The following ZNF782 variants were observed in gnomAD, a reference collection of about 807,000 sequenced individuals.
ZNF782 encodes zinc finger protein 782.
A neutral mutation model predicts 13.0 loss-of-function variants in ZNF782; 12 were observed. The observed-to-expected ratio is 0.92, with a 90% CI of 0.59 to 1.50. ZNF782 has a LOEUF of 1.50. Among genes scored for constraint, ZNF782 ranks in the 40% most tolerant of loss-of-function variants. The pLI is 0.00. For missense variants in ZNF782, 770 were observed against 822.9 expected, an observed-to-expected ratio of 0.94 and a Z score of 0.79; for synonymous variants, 284 against 283.0, an observed-to-expected ratio of 1.00 and a Z score of -0.04.
At chr9:96,861,760 T>C (rs1851704494) in intron 1 of ZNF782, among the ~76,000 whole-genome samples, 1 of 152,230 alleles carries the variant, frequency 6.6e-6, no homozygotes. Context: ...AGACAGGCAA[T>C]AGCAAATGCT....
chr9:96,819,150 C>T lies in ZNF782; in HGVS notation c.873G>A (p.Gly291=). The part of the protein sequence containing the change: ...CRITHKTLTG[G]KSFSQKSHIR... ...TGTGTGACTTTTGGCTGAAGGATTT[C>T]CCTCCTGTGAGAGTTTTGTGAGTGA... Residue 291 remains glycine, a synonymous_variant, in exon 6 of 6, where the codon GGG becomes GGA. Coordinates refer to ENST00000481138, the MANE Select transcript of ZNF782 (RefSeq NM_001001662.3). 6.2e-7 allele frequency: 1 copy of T among 1,613,494 alleles called. No homozygotes were observed. The highest frequency in any genetic ancestry group is 8.5e-7 in the Non-Finnish European group (1 of 1,179,728).
At chr9:96,901,552 G>A in the ZNF782 span, among the ~76,000 whole-genome samples, 16 of 152,052 alleles carry the variant, frequency 1.1e-4, no homozygotes, top group South Asian at 2.5e-3. Flanking sequence ...GATTACAGAC[G>A]TGAGCCGCTG....
the ZNF782 span, chr9:96,931,735 G>C: frequency 6.2e-7 from 1 of 1,611,430 alleles, no homozygotes; most frequent in Non-Finnish European, 8.5e-7. Context: ...ACCCAGTGCT[G>C]GGACCCGGCG....
chr9:96,849,447 T>G (rs1035629923), intron 3 of ZNF782, among the ~76,000 whole-genome samples: 2 of 152,214 alleles, frequency 1.3e-5, no homozygotes, highest in Non-Finnish European at 2.9e-5. Context: ...ATGGTGCTGG[T>G]AAAAGTGGCA....
At chr9:96,902,504 C>A in the ZNF782 span, among the ~76,000 whole-genome samples, 1 of 128,296 alleles carries the variant, frequency 7.8e-6, no homozygotes, top group Non-Finnish European at 1.5e-5. Flanking sequence ...ATGAGTAGAG[C>A]TTTGCTGAGC....
the ZNF782 span, among the ~76,000 whole-genome samples, chr9:96,881,827 T>C: frequency 6.6e-6 from 1 of 152,106 alleles, no homozygotes; most frequent in Non-Finnish European, 1.5e-5. Context: ...TGTAGTTTTA[T>C]ATTAATTATT....
At chr9:96,895,859 G>A in the ZNF782 span, 2 of 152,214 alleles carry the variant, frequency 1.3e-5, no homozygotes, top group Non-Finnish European at 2.9e-5. Flanking sequence ...GACCTGAAGA[G>A]TGAGGGCAAT....
chr9:96,863,792 T>C (rs1851730654), intron 1 of ZNF782, among the ~76,000 whole-genome samples: 1 of 152,146 alleles, frequency 6.6e-6, no homozygotes. Context: ...TTCTCACTTA[T>C]AGGTGGGAGC....
the ZNF782 span, among the ~76,000 whole-genome samples, chr9:96,924,893 A>G: frequency 6.6e-6 from 1 of 152,238 alleles, no homozygotes; most frequent in Non-Finnish European, 1.5e-5. Flanking sequence ...GGCGTCCCGC[A>G]GGGCCCCGCT....
the ZNF782 span, among the ~76,000 whole-genome samples, chr9:96,881,767 CATTT>C: frequency 1.3e-5 from 2 of 152,018 alleles, no homozygotes; most frequent in Non-Finnish European, 2.9e-5. Flanking sequence ...TATTCTCCTC[CATTT>C]ATTTATATGT....
chr9:96,830,379 C>T (rs1444933935), intron 4 of ZNF782, among the ~76,000 whole-genome samples: 2 of 152,036 alleles, frequency 1.3e-5, no homozygotes, highest in Non-Finnish European at 2.9e-5. Context: ...TCCCCTGCCC[C>T]CCAGTGTCAG....
chr9:96,933,381 G>C, the ZNF782 span: 1 of 150,860 alleles, frequency 6.6e-6, no homozygotes, highest in Non-Finnish European at 1.5e-5. Flanking sequence ...TTTTTTGTTT[G>C]TTTGTTTGAG....
chr9:96,911,429 A>G, the ZNF782 span, among the ~76,000 whole-genome samples: 1 of 85,548 alleles, frequency 1.2e-5, no homozygotes, highest in Non-Finnish European at 2.1e-5. Flanking sequence ...ACAGAGCAAG[A>G]CTCTGTCTCA....
intron 4 of ZNF782, among the ~76,000 whole-genome samples, chr9:96,836,101 T>C (rs1850986942): frequency 6.6e-6 from 1 of 152,210 alleles, no homozygotes; most frequent in Admixed American, 6.5e-5. Flanking sequence ...GTGCTGAGGA[T>C]GTGGGACATG....
the ZNF782 span, among the ~76,000 whole-genome samples, chr9:96,923,848 CT>C: frequency 6.2e-4 from 85 of 137,444 alleles, no homozygotes; most frequent in Non-Finnish European, 5.9e-4. Flanking sequence ...TTTACTTTTC[CT>C]TTTTTTTTTT....
the ZNF782 span, among the ~76,000 whole-genome samples, chr9:96,885,418 A>G: frequency 1.3e-5 from 2 of 152,196 alleles, no homozygotes; most frequent in African/African-American, 4.8e-5. Context: ...GAACCTGAAG[A>G]CAGATCAATA....
chr9:96,857,900 T>C (rs1389630325), upstream of ZNF782, among the ~76,000 whole-genome samples: 1 of 152,264 alleles, frequency 6.6e-6, no homozygotes, highest in Non-Finnish European at 1.5e-5. Context: ...AAATTGCTCT[T>C]GTAATAATCT....
At chr9:96,877,592 A>T (rs1371137959), upstream of ZNF782, among the ~76,000 whole-genome samples, 1 of 152,166 alleles carries the variant, frequency 6.6e-6, no homozygotes, top group African/African-American at 2.4e-5. Context: ...GCGCGTCCTC[A>T]GGCTTCGCTC....
chr9:96,826,935 G>A (rs1400576686), intron 5 of ZNF782, 145 bp downstream of exon 5: 6 of 522,166 alleles, frequency 1.1e-5, no homozygotes, highest in Non-Finnish European at 1.7e-5. Flanking sequence ...TACGAACTTT[G>A]CCCCATGCAC....
Sources: allele counts gnomAD v4.1 joint callset (sites outside exome capture counted in the v4.1 genomes callset), GRCh38; gene constraint gnomAD v4.1.1; transcripts MANE v1.5; gene names NCBI Gene and HGNC (gene_info 2026-07-23, HGNC 2026-07-21).